Variants in ENOX1 observed in about 807,000 individuals in gnomAD.
ENOX1 encodes candidate growth-related and time keeping constitutive hydroquinone (NADH) oxidase.
ENOX1 carries 42 observed loss-of-function variants against 82.5 expected under a neutral mutation model. The observed-to-expected ratio is 0.51, with a 90% CI of 0.40 to 0.66. ENOX1 has a LOEUF of 0.66. Among genes scored for constraint, ENOX1 ranks in the 30% least tolerant of loss-of-function variants. ENOX1 has a pLI of 0.00. For missense variants in ENOX1, 608 were observed against 811.6 expected, an observed-to-expected ratio of 0.75 and a Z score of 3.05; for synonymous variants, 271 against 282.2, an observed-to-expected ratio of 0.96 and a Z score of 0.40.
At chr13:43,463,966 A>G (rs1368829777) in intron 3 of ENOX1, among the ~76,000 whole-genome samples, 2 of 152,322 alleles carry the variant, frequency 1.3e-5, no homozygotes, top group African/African-American at 4.8e-5. Context: ...GACGAATGAC[A>G]TCTCCTTAAG....
At chr13:43,450,575 G>A (rs1318647492) in intron 3 of ENOX1, among the ~76,000 whole-genome samples, 3 of 152,134 alleles carry the variant, frequency 2.0e-5, no homozygotes, top group Non-Finnish European at 2.9e-5. Context: ...GGAAAGAACA[G>A]GCAAGACAGA....
intron 3 of ENOX1, among the ~76,000 whole-genome samples, chr13:43,465,684 G>A (rs9533500): frequency 0.46 from 69,418 of 151,982 alleles, 16,262 homozygotes; most frequent in Non-Finnish European, 0.5. Context: ...ATATGCACAT[G>A]TCTATAATTG....
intron 2 of ENOX1, among the ~76,000 whole-genome samples, chr13:43,581,075 T>C (rs2080700914): frequency 6.6e-6 from 1 of 150,644 alleles, no homozygotes; most frequent in Admixed American, 6.6e-5. Flanking sequence ...TAGAGCAAAA[T>C]GGAGAGATAC....
chr13:43,679,864 T>A (rs2085699499), intron 1 of ENOX1, among the ~76,000 whole-genome samples: 1 of 152,212 alleles, frequency 6.6e-6, no homozygotes, highest in African/African-American at 2.4e-5. Flanking sequence ...CCCAAAAGAT[T>A]AGCTTTCTTA....
rs1410981649 is a variant in ENOX1 at position 43,483,993 on chromosome 13, A to G, written c.-75+16T>C. 1.0e-6 allele frequency: 1 copy of G among 985,406 alleles called. No individual in the cohort carries two copies. The highest frequency in any genetic ancestry group is 1.2e-6 in the Non-Finnish European group (1 of 829,904). The allele number at this position is 985,406 out of a possible 1,614,324, so 61.0% of individuals were successfully genotyped here. ...TTAGTATCTTCAGTAAGAAAAATGA[A>G]AAAATTAACACAAACCTCAAAACTG... On this transcript the variant is annotated intron_variant, in intron 3 of 16. Coordinates refer to ENST00000690772, the MANE Select transcript of ENOX1 (RefSeq NM_001347969.2).
chr13:43,271,182 G>A (rs1452223710), intron 12 of ENOX1, among the ~76,000 whole-genome samples: 1 of 152,216 alleles, frequency 6.6e-6, no homozygotes, highest in Admixed American at 6.5e-5. Flanking sequence ...GGTAGCTCAT[G>A]TTTGCTTATT....
At chr13:43,277,744 T>C (rs2045139152) in intron 12 of ENOX1, among the ~76,000 whole-genome samples, 1 of 152,090 alleles carries the variant, frequency 6.6e-6, no homozygotes, top group African/African-American at 2.4e-5. Context: ...GAGCTGAAAA[T>C]GTTTCCAGGT....
At chr13:43,591,581 C>T (rs2081248193) in intron 2 of ENOX1, among the ~76,000 whole-genome samples, 1 of 152,168 alleles carries the variant, frequency 6.6e-6, no homozygotes, top group Non-Finnish European at 1.5e-5. Context: ...TTTAGCTGGG[C>T]AGTGCACACA....
intron 1 of ENOX1, among the ~76,000 whole-genome samples, chr13:43,713,232 T>A (rs577131075): frequency 3.5e-4 from 54 of 152,344 alleles, no homozygotes; most frequent in South Asian, 1.7e-3. Context: ...TTTGTGTATA[T>A]TGAACCAGCC....
chr13:43,607,241 A>C (rs992664480), intron 2 of ENOX1, among the ~76,000 whole-genome samples: 1 of 152,078 alleles, frequency 6.6e-6, no homozygotes, highest in Admixed American at 6.5e-5. Context: ...CTACGTAACC[A>C]CAAAAATTAA....
chr13:43,522,621 G>A (rs1267397277), intron 2 of ENOX1, among the ~76,000 whole-genome samples: 4 of 152,222 alleles, frequency 2.6e-5, no homozygotes, highest in African/African-American at 9.6e-5. Context: ...AGCCCTTCGA[G>A]GATCCTGGGA....
chr13:43,321,006 C>A (rs1054409011), intron 11 of ENOX1: 3 of 455,708 alleles, frequency 6.6e-6, no homozygotes, highest in Admixed American at 4.7e-5. Context: ...AGGAGACATA[C>A]ATCATTGACA....
chr13:43,783,647 C>T (rs897491217), intron 1 of ENOX1, among the ~76,000 whole-genome samples: 1 of 152,076 alleles, frequency 6.6e-6, no homozygotes, highest in Non-Finnish European at 1.5e-5. Context: ...TTGTAATATC[C>T]TAAGAGCACC....
intron 3 of ENOX1, among the ~76,000 whole-genome samples, chr13:43,435,685 C>G (rs1440851424): frequency 6.6e-6 from 1 of 152,086 alleles, no homozygotes; most frequent in Admixed American, 6.6e-5. Context: ...GCCACTTATG[C>G]TTTTTTAAAT....
At chr13:43,434,207 C>G (rs910817353) in intron 3 of ENOX1, among the ~76,000 whole-genome samples, 3 of 152,170 alleles carry the variant, frequency 2.0e-5, no homozygotes, top group African/African-American at 7.2e-5. Flanking sequence ...TGACCCTGCT[C>G]AAGGTATTAG....
chr13:43,469,771 A>G (rs1390624500), intron 3 of ENOX1, among the ~76,000 whole-genome samples: 2 of 151,988 alleles, frequency 1.3e-5, no homozygotes, highest in Non-Finnish European at 2.9e-5. Flanking sequence ...CATAATTCTA[A>G]GATAAATCTA....
At chr13:43,323,682 C>G (rs1480710748) in intron 10 of ENOX1, among the ~76,000 whole-genome samples, 3 of 152,044 alleles carry the variant, frequency 2.0e-5, no homozygotes, top group Non-Finnish European at 1.5e-5. Flanking sequence ...TGTAAAGTCT[C>G]TAAATAAAAA....
At chr13:43,553,208 T>C (rs914617797) in intron 2 of ENOX1, among the ~76,000 whole-genome samples, 2 of 152,152 alleles carry the variant, frequency 1.3e-5, no homozygotes, top group Non-Finnish European at 2.9e-5. Flanking sequence ...TATTATTTAA[T>C]GTAGGTTTAG....
intron 5 of ENOX1, among the ~76,000 whole-genome samples, chr13:43,381,465 A>T (rs1328154729): frequency 2.1e-5 from 2 of 94,368 alleles, no homozygotes; most frequent in South Asian, 4.3e-4. Context: ...CATGGCTTCT[A>T]TCTTATAAAA....
Sources: allele counts gnomAD v4.1 joint callset (sites outside exome capture counted in the v4.1 genomes callset), GRCh38; gene constraint gnomAD v4.1.1; transcripts MANE v1.5; gene names NCBI Gene and HGNC (gene_info 2026-07-23, HGNC 2026-07-21).